RGS16: variants seen among roughly 807,000 people sequenced by gnomAD.
RGS16 encodes hRGS-r.
Under a neutral mutation model 18.1 loss-of-function variants are expected in RGS16, and 12 were observed. The ratio of observed to expected loss-of-function variants is 0.66; its 90% CI spans 0.42 to 1.07. RGS16 has a LOEUF of 1.07. Among genes scored for constraint, RGS16 ranks in the 50% least tolerant of loss-of-function variants. The pLI, the probability that RGS16 is intolerant of heterozygous loss-of-function variation, is 0.00. For synonymous variants in RGS16, 88 were observed against 102.0 expected, an observed-to-expected ratio of 0.86 and a Z score of 0.83; for missense variants, 238 against 249.2, an observed-to-expected ratio of 0.95 and a Z score of 0.30.
Position 182,600,390 on chromosome 1 carries a change from AGCGTGG to A in RGS16, c.505_510del (p.Pro169_Arg170del), listed in dbSNP as rs758283361. On this transcript the variant is annotated inframe_deletion, in exon 5 of 5. Coordinates refer to ENST00000367558, the MANE Select transcript of RGS16 (RefSeq NM_002928.4). ...TCCCGGTAAGCAGGCGACTTCAGGA[AGCGTGG>A]GTAGGAGTCCTTCTCCATCAGGGTA... 1.7e-5 allele frequency: 27 copies of A among 1,614,010 alleles called. No homozygotes were observed. Among genetic ancestry groups the A allele is most frequent in the Non-Finnish European group, 2.3e-5 (27 of 1,179,986 alleles).
At chr1:182,600,818 C>G (rs1054892220) in intron 4 of RGS16, among the ~76,000 whole-genome samples, 7 of 152,188 alleles carry the variant, frequency 4.6e-5, no homozygotes, top group Non-Finnish European at 1.0e-4. Flanking sequence ...GGGATTTGCA[C>G]CAAGGCCTCC....
intron 4 of RGS16, among the ~76,000 whole-genome samples, chr1:182,600,981 C>T (rs1171901803): frequency 6.6e-6 from 1 of 152,200 alleles, no homozygotes; most frequent in Non-Finnish European, 1.5e-5. Context: ...TTGCTGGGCC[C>T]ACGAGGCTCC....
At chr1:182,602,161 G>C in intron 3 of RGS16, 29 bp from the exon 4 acceptor site, 1 of 1,611,708 alleles carries the variant, frequency 6.2e-7, no homozygotes, top group Non-Finnish European at 8.5e-7. Context: ...AGAGGAAATA[G>C]GTCAGCTGGA....
At position 182,601,766 on chromosome 1, in the gene RGS16, A is replaced by G. The variant is rs1661866206; in HGVS notation, c.387+200T>C. On this transcript the variant is annotated intron_variant, in intron 4 of 4. Transcript: ENST00000367558. ...ACCTGCCAACACATCCTGCCCCATC[A>G]TGAGTCTTAGGGTTAAGCACCCAGG... is the stretch of plus-strand genomic sequence containing the variant. 6.4e-6 allele frequency: 4 copies of G among 621,410 alleles called. No homozygotes were observed. In the East Asian group the frequency reaches 8.4e-5, roughly 13 times the overall value. The allele number at this position is 621,410 out of a possible 1,614,324, so 38.5% of individuals were successfully genotyped here. A position where few individuals can be genotyped will look rare whatever the true frequency, so the allele number is the denominator to read the frequency against.
chr1:182,600,260 T>C lies in RGS16; in HGVS notation c.*32A>G, dbSNP rs1294640169. ...TCGGGGATGGGTGACTCAACCTCTC[T>C]TCCCGGCTGGCTTCCTCACTGCCGT... On this transcript the variant is annotated 3_prime_UTR_variant, in exon 5 of 5. Coordinates refer to ENST00000367558, the MANE Select transcript of RGS16 (RefSeq NM_002928.4). 2 of 1,582,722 alleles carry C rather than the reference T, an allele frequency of 1.3e-6. No individual in the cohort carries two copies. The highest frequency in any genetic ancestry group is 2.8e-5 in the African/African-American group (2 of 72,688).
intron 4 of RGS16, chr1:182,601,745 G>A: frequency 1.7e-6 from 1 of 579,554 alleles, no homozygotes; most frequent in Non-Finnish European, 3.1e-6. Flanking sequence ...CGAAAAACCT[G>A]CCAACACATC....
At position 182,599,842 on chromosome 1, in the gene RGS16, A is replaced by C; in HGVS notation, c.*450T>G. 5.4e-6 allele frequency: 1 copy of C among 185,616 alleles called. No individual in the cohort carries two copies. The highest frequency in any genetic ancestry group is 1.1e-5 in the Non-Finnish European group (1 of 87,364). 11.5% of individuals were successfully genotyped at this position (185,616 alleles called of 1,614,324 possible). A position where few individuals can be genotyped will look rare whatever the true frequency, so the allele number is the denominator to read the frequency against. ...CTTCCGTGCCCAGAACAGTCTGGGAATTAGGAAAACAGGATGCAATCAGAG... is the reference window on the plus strand; with the variant it reads ...CTTCCGTGCCCAGAACAGTCTGGGACTTAGGAAAACAGGATGCAATCAGAG... On this transcript the variant is annotated 3_prime_UTR_variant, in exon 5 of 5. Coordinates refer to ENST00000367558, the MANE Select transcript of RGS16 (RefSeq NM_002928.4).
chr1:182,603,704 C>T (rs1661903861), intron 1 of RGS16, among the ~76,000 whole-genome samples: 2 of 152,018 alleles, frequency 1.3e-5, no homozygotes, highest in Non-Finnish European at 2.9e-5. Context: ...TGATTCCTGC[C>T]TTCATCTTTA....
rs746833689 is a variant in RGS16, at chr1:182,599,658, T to G, written c.*634A>C. The G allele has an allele frequency of 1.3e-5, 2 of 153,490 alleles. No homozygotes were observed. The highest frequency in any genetic ancestry group is 2.9e-5 in the Non-Finnish European group (2 of 68,724). The allele number at this position is 153,490 out of a possible 1,614,324, so 9.5% of individuals were successfully genotyped here. A position where few individuals can be genotyped will look rare whatever the true frequency, so the allele number is the denominator to read the frequency against. ...CAGGCCAGTGTTTGAGGTATAAATA[T>G]CTCGCATGGGGCAAGAGTCACATCA... On this transcript the variant is annotated 3_prime_UTR_variant, in exon 5 of 5. Transcript: ENST00000367558.
In RGS16 at chr1:182,601,990, G is replaced by A; in HGVS notation, c.363C>T (p.Phe121=). The A allele has an allele frequency of 1.2e-6, 2 of 1,614,168 alleles. No individual in the cohort carries two copies. The highest frequency in any genetic ancestry group is 1.7e-6 in the Non-Finnish European group (2 of 1,180,028). The change falls in exon 4 of 5, where the codon TTC becomes TTT. Residue 121 remains phenylalanine (F), a synonymous_variant. Coordinates refer to ENST00000367558, the MANE Select transcript of RGS16 (RefSeq NM_002928.4). The stretch of plus-strand genomic sequence containing the variant: ...CCTCTTTAGGGGCCTCACTGCAAAT[G>A]AACTCCTCAAAGATCTGGTGTGCCC... ...ASRAHQIFEE[F]ICSEAPKEVN... is the part of the protein sequence containing the mutation.
At chr1:182,601,021 G>T (rs976262629) in intron 4 of RGS16, among the ~76,000 whole-genome samples, 3 of 152,226 alleles carry the variant, frequency 2.0e-5, no homozygotes, top group Non-Finnish European at 4.4e-5. Context: ...TCCTCCTCAT[G>T]CCTGACCTCA....
Position 182,603,216 on chromosome 1 carries a change from C to G in RGS16, c.155+13G>C, listed in dbSNP as rs755246212. On this transcript the variant is annotated intron_variant, in intron 2 of 4. Transcript: ENST00000367558. ...TTCCCTCTCGGAGCCCTGAGCTGGTCAGCAACACTTACTTCTCTTTGCTGT... is the reference window on the plus strand; with the variant it reads ...TTCCCTCTCGGAGCCCTGAGCTGGTGAGCAACACTTACTTCTCTTTGCTGT... The G allele has an allele frequency of 2.5e-6, 4 of 1,590,310 alleles. No individual in the cohort carries two copies. The highest frequency in any genetic ancestry group is 1.7e-5 in the Admixed American group (1 of 59,988).
rs1193768390 is a variant in RGS16, at chr1:182,600,255, C to T, written c.*37G>A. The stretch of plus-strand genomic sequence containing the variant: ...CCACCTCGGGGATGGGTGACTCAAC[C>T]TCTCTTCCCGGCTGGCTTCCTCACT... On this transcript the variant is annotated 3_prime_UTR_variant, in exon 5 of 5. Transcript: ENST00000367558. The T allele has an allele frequency of 6.3e-7, 1 of 1,588,308 alleles. No homozygotes were observed. Among genetic ancestry groups the T allele is most frequent in the Non-Finnish European group, 8.6e-7 (1 of 1,164,536 alleles).
At chr1:182,604,134 C>T (rs1661912828) in intron 1 of RGS16, 82 bp downstream of exon 1, 1 of 1,454,072 alleles carries the variant, frequency 6.9e-7, no homozygotes, top group African/African-American at 1.4e-5. Context: ...ATCCCCGCGC[C>T]CACCCAGGTC....
chr1:182,600,329 A>T lies in RGS16; in HGVS notation c.572T>A (p.Leu191Gln). ...GGGCTCGTCCAGGCTGCAGCTGGAC[A>T]GAGTGGCAGAGGCGGCTGAGGCTTG... ...AAQASAASAT[L>Q]SSCSLDEPSH... Residue 191 changes from leucine (L) to glutamine (Q), a missense_variant, in exon 5 of 5, where the codon CTG (leucine) becomes CAG (glutamine). Physicochemically the swap from Leu to Gln is moderately radical, Grantham distance 113. Transcript: ENST00000367558. 2 of 1,614,006 alleles carry T rather than the reference A, an allele frequency of 1.2e-6. No homozygotes were observed. Among genetic ancestry groups the T allele is most frequent in the Non-Finnish European group, 1.7e-6 (2 of 1,179,994 alleles).
At chr1:182,603,112 G>A in intron 2 of RGS16, 117 bp downstream of exon 2, 1 of 761,264 alleles carries the variant, frequency 1.3e-6, no homozygotes, top group Admixed American at 1.9e-5. Flanking sequence ...AAAATCTCTA[G>A]GGAGGTGTTG....
At position 182,598,986 on chromosome 1, in the gene RGS16, G is replaced by C. The variant is rs1344812912; in HGVS notation, c.*1306C>G. ...CTCCTGGAGGAGCTCATGGTACAGAGAGAACAGTGTTGATTATCCTGGGCC... is the reference window on the plus strand; with the variant it reads ...CTCCTGGAGGAGCTCATGGTACAGACAGAACAGTGTTGATTATCCTGGGCC... On this transcript the variant is annotated 3_prime_UTR_variant, in exon 5 of 5. Transcript: ENST00000367558. The C allele has an allele frequency of 6.5e-6, 1 of 152,716 alleles. No homozygotes were observed. The highest frequency in any genetic ancestry group is 1.5e-5 in the Non-Finnish European group (1 of 68,318). The allele number at this position is 152,716 out of a possible 1,614,324, so 9.5% of individuals were successfully genotyped here.
chr1:182,602,072 A>G lies in RGS16; in HGVS notation c.281T>C (p.Phe94Ser), dbSNP rs1395941065. 2 of 1,614,008 alleles carry G rather than the reference A, an allele frequency of 1.2e-6. No individual in the cohort carries two copies. The highest frequency in any genetic ancestry group is 1.1e-5 in the South Asian group (1 of 91,082). ...CTTGAACTCCTCACAGGCCAGCCAGAACTCCAGGTTCTCCTCACTGAACTC... is the reference window on the plus strand; with the variant it reads ...CTTGAACTCCTCACAGGCCAGCCAGGACTCCAGGTTCTCCTCACTGAACTC... ...KTEFSEENLEFWLACEEFKKI... is the reference protein window; with the variant it reads ...KTEFSEENLESWLACEEFKKI... The change falls in exon 4 of 5, where the codon TTC becomes TCC. Residue 94 changes from phenylalanine (F) to serine (S), a missense_variant. Coordinates refer to ENST00000367558, the MANE Select transcript of RGS16 (RefSeq NM_002928.4).
At position 182,603,323 on chromosome 1, in the gene RGS16, T is replaced by G; in HGVS notation, c.61A>C (p.Thr21Pro). 6.2e-7 allele frequency: 1 copy of G among 1,614,014 alleles called. No individual in the cohort carries two copies. The highest frequency in any genetic ancestry group is 1.1e-5 in the South Asian group (1 of 91,074). ...TCLERAKEFK[T>P]RLGIFLHKSE... ...TTGTGAAGAAAGATCCCCAGACGTG[T>G]CTTGAACTCTTTGGCTCTGAAAAAC... Residue 21 changes from threonine to proline, a missense_variant, in exon 2 of 5, where the codon ACA becomes CCA. By Grantham distance (38) the Thr-to-Pro change is conservative. Transcript: ENST00000367558.
Sources: gnomAD v4.1 joint callset for allele counts (sites outside exome capture counted in the v4.1 genomes callset) on GRCh38, gnomAD v4.1.1 for gene constraint, MANE v1.5 for transcripts, NCBI Gene and HGNC (gene_info 2026-07-23, HGNC 2026-07-21) for gene names.